The following REL variants were observed in gnomAD, a reference collection of about 807,000 sequenced individuals.
The protein encoded by REL is proto-oncogene c-Rel.
A neutral mutation model predicts 45.9 loss-of-function variants in REL; 15 were observed. That is an observed-to-expected ratio of 0.33 (90% CI 0.22 to 0.50). The LOEUF (loss-of-function observed/expected upper bound fraction) is 0.50, where lower values mean the gene tolerates loss of function less well. REL is among the 20% of genes least tolerant of loss of function. The pLI, the probability that REL is intolerant of heterozygous loss-of-function variation, is 0.98. For missense variants in REL, 601 were observed against 715.2 expected, an observed-to-expected ratio of 0.84 and a Z score of 1.82; for synonymous variants, 239 against 242.1, an observed-to-expected ratio of 0.99 and a Z score of 0.12.
intron 1 of REL, among the ~76,000 whole-genome samples, chr2:60,884,038 C>A (rs1573308318): frequency 1.5e-5 from 2 of 132,452 alleles, no homozygotes; most frequent in African/African-American, 2.8e-5. Flanking sequence ...GAAAAAGATT[C>A]ACTAATAAAA....
chr2:60,900,940 A>G, intron 3 of REL, 52 bp from the exon 4 acceptor site: 1 of 1,472,170 alleles, frequency 6.8e-7, no homozygotes, highest in Non-Finnish European at 9.4e-7. Flanking sequence ...TGATTTTTGC[A>G]ATATTCCTTG....
At chr2:60,882,066 G>A (rs1214181082) in intron 1 of REL, among the ~76,000 whole-genome samples, 1 of 152,218 alleles carries the variant, frequency 6.6e-6, no homozygotes, top group Non-Finnish European at 1.5e-5. Flanking sequence ...TGTTGTCATA[G>A]CAGGAACCTT....
At chr2:60,909,388 G>A (rs1293521969) in intron 4 of REL, among the ~76,000 whole-genome samples, 2 of 151,722 alleles carry the variant, frequency 1.3e-5, no homozygotes, top group African/African-American at 2.4e-5. Context: ...TACTTTTTAA[G>A]TAACAAAAAT....
At chr2:60,919,411 G>GGTTTTTTT (rs540036957) in intron 7 of REL, among the ~76,000 whole-genome samples, 28 of 151,144 alleles carry the variant, frequency 1.9e-4, no homozygotes, top group Middle Eastern at 3.4e-3. Context: ...ATTTTTGTGG[G>GGTTTTTTT]GTTTTTTTGT....
intron 3 of REL, among the ~76,000 whole-genome samples, chr2:60,894,845 C>T (rs1223192069): frequency 6.8e-6 from 1 of 146,552 alleles, no homozygotes; most frequent in African/African-American, 2.5e-5. Context: ...TAATTATTCA[C>T]TCTGTCTTTT....
intron 9 of REL, among the ~76,000 whole-genome samples, chr2:60,920,899 A>C (rs1162628860): frequency 6.6e-6 from 1 of 152,188 alleles, no homozygotes; most frequent in East Asian, 1.9e-4. Context: ...ACATTGCGTT[A>C]TGAAAAAATG....
intron 4 of REL, among the ~76,000 whole-genome samples, chr2:60,902,457 A>G (rs1367920945): frequency 6.6e-6 from 1 of 151,812 alleles, no homozygotes; most frequent in Admixed American, 6.6e-5. Flanking sequence ...ATCATGCTAT[A>G]TATCCTATTC....
In REL at chr2:60,930,538, A is replaced by C. The variant is rs1428232175; in HGVS notation, c.*8003A>C. On this transcript the variant is annotated 3_prime_UTR_variant, in exon 10 of 10. Coordinates refer to ENST00000394479, the MANE Select transcript of REL (RefSeq NM_001291746.2). ...ACGTAGTCAAATTAATATTTTAACT[A>C]ATACATCTTAGCAGAGTTTAGTTAA... 6.6e-6 allele frequency: 1 copy of C among 152,358 alleles called. No homozygotes were observed. The highest frequency in any genetic ancestry group is 1.9e-4 in the East Asian group (1 of 5,346). The allele number at this position is 152,358 out of a possible 1,614,324, so 9.4% of individuals were successfully genotyped here.
rs1272467532 is a variant in REL at position 60,911,464 on chromosome 2, A to G, written c.395-5413A>G. 3 of 152,318 alleles carry G rather than the reference A, an allele frequency of 2.0e-5. No individual in the cohort carries two copies. The East Asian group carries it at 5.8e-4, about 29-fold the overall frequency. The allele number at this position is 152,318 out of a possible 1,614,324, so 9.4% of individuals were successfully genotyped here. On this transcript the variant is annotated intron_variant, in intron 4 of 9. Coordinates refer to ENST00000394479, the MANE Select transcript of REL (RefSeq NM_001291746.2). ...GAGACTGAATAAAAAATAAAGTTTA[A>G]AAGGGTTAGTGGATGTAAAATTAAT...
rs749066551 is a variant in REL, at chr2:60,930,994, ACATT to A, written c.*8463_*8466del. On this transcript the variant is annotated 3_prime_UTR_variant, in exon 10 of 10. Coordinates refer to ENST00000394479, the MANE Select transcript of REL (RefSeq NM_001291746.2). The stretch of plus-strand genomic sequence containing the variant: ...TATAAATTTTTGGTAAAAGTATCAA[ACATT>A]CATCTTGCCCATTTTTCCTCTTAAA... 10 of 152,376 alleles carry A rather than the reference ACATT, an allele frequency of 6.6e-5. No individual in the cohort carries two copies. The highest frequency in any genetic ancestry group is 1.2e-4 in the Non-Finnish European group (8 of 68,036). The allele number at this position is 152,376 out of a possible 1,614,324, so 9.4% of individuals were successfully genotyped here.
chr2:60,887,600 C>G (rs1673102168), intron 1 of REL, among the ~76,000 whole-genome samples: 2 of 150,994 alleles, frequency 1.3e-5, no homozygotes, highest in African/African-American at 4.9e-5. Flanking sequence ...TTGCTATACA[C>G]AGAATACTAT....
rs917526241 is a variant in REL at position 60,909,361 on chromosome 2, A to G, written c.395-7516A>G. On this transcript the variant is annotated intron_variant, in intron 4 of 9. Coordinates refer to ENST00000394479, the MANE Select transcript of REL (RefSeq NM_001291746.2). ...TAAATGTCAACTTTTATTATTATAC[A>G]TAGGGGATACTTTATATACTTTTTA... Among the ~76,000 whole-genome samples, 3 of 152,204 alleles carry G rather than the reference A, an allele frequency of 2.0e-5. No individual in the cohort carries two copies. The East Asian group carries it at 5.8e-4, about 29-fold the overall frequency.
At position 60,925,238 on chromosome 2, in the gene REL, C is replaced by G. The variant is rs1674241039; in HGVS notation, c.*2703C>G. 5.1e-6 allele frequency: 1 copy of G among 195,854 alleles called. No homozygotes were observed. Among genetic ancestry groups the G allele is most frequent in the African/African-American group, 2.3e-5 (1 of 43,268 alleles). The allele number at this position is 195,854 out of a possible 1,614,324, so 12.1% of individuals were successfully genotyped here. ...GTCTGTCATTTTACTTACACGATGT[C>G]TAACCAAACCATAACTTTACATAAA... On this transcript the variant is annotated 3_prime_UTR_variant, in exon 10 of 10. Coordinates refer to ENST00000394479, the MANE Select transcript of REL (RefSeq NM_001291746.2).
intron 3 of REL, 48 bp downstream of exon 3, chr2:60,894,593 A>T: frequency 1.4e-6 from 2 of 1,413,168 alleles, no homozygotes; most frequent in South Asian, 2.9e-5. Context: ...AAGACATAGG[A>T]TGTTCTGTTT....
rs1436558003 is a variant in REL, at chr2:60,929,367, C to T, written c.*6832C>T. 2.2e-5 allele frequency: 3 copies of T among 137,638 alleles called. No homozygotes were observed. The East Asian group carries it at 5.9e-4, about 27-fold the overall frequency. 8.5% of individuals were successfully genotyped at this position (137,638 alleles called of 1,614,324 possible). ...AATCATGCTGCTATAAAGACACATG[C>T]ACACGTATGTTTATTGCGGCATTAT... On this transcript the variant is annotated 3_prime_UTR_variant, in exon 10 of 10. Transcript: ENST00000394479.
In REL at chr2:60,890,263, G is replaced by T. The variant is rs182831131; in HGVS notation, c.11-1420G>T. 9.9e-5 allele frequency among the ~76,000 whole-genome samples: 15 copies of T among 152,274 alleles called. 1 individual carries two copies. Among genetic ancestry groups the T allele is most frequent in the African/African-American group, 3.6e-4 (15 of 41,560 alleles). ...AATGTGTATGTATATATGACACTTC[G>T]TAAGAATTTAGCACATATAATCTGT... On this transcript the variant is annotated intron_variant, in intron 1 of 9. Coordinates refer to ENST00000394479, the MANE Select transcript of REL (RefSeq NM_001291746.2).
intron 4 of REL, among the ~76,000 whole-genome samples, chr2:60,915,076 C>T (rs1673928473): frequency 6.6e-6 from 1 of 152,040 alleles, no homozygotes; most frequent in South Asian, 2.1e-4. Context: ...CATGATCCAC[C>T]CACCTCGGCC....
chr2:60,899,687 T>G (rs1436154527), intron 3 of REL: 1 of 152,086 alleles, frequency 6.6e-6, no homozygotes, highest in Non-Finnish European at 1.5e-5. Context: ...TATAATTGAG[T>G]TTTGCTTCCT....
intron 4 of REL, among the ~76,000 whole-genome samples, chr2:60,908,122 T>G (rs1041593733): frequency 6.6e-6 from 1 of 152,178 alleles, no homozygotes; most frequent in Non-Finnish European, 1.5e-5. Flanking sequence ...AATTAATCAT[T>G]GAAAGTTTTG....
Sources: allele counts gnomAD v4.1 joint callset (sites outside exome capture counted in the v4.1 genomes callset), GRCh38; gene constraint gnomAD v4.1.1; transcripts MANE v1.5; gene names NCBI Gene and HGNC (gene_info 2026-07-23, HGNC 2026-07-21).